TRIM69: variants seen among roughly 807,000 people sequenced by gnomAD.
The protein encoded by TRIM69 is E3 ubiquitin-protein ligase TRIM69.
TRIM69 carries 29 observed loss-of-function variants against 37.7 expected under a neutral mutation model. The observed-to-expected ratio is 0.77, with a 90% CI of 0.57 to 1.05. The LOEUF (loss-of-function observed/expected upper bound fraction) is 1.05, where lower values mean the gene tolerates loss of function less well. TRIM69 is among the 50% of genes least tolerant of loss of function. The pLI is 0.00. For missense variants in TRIM69, 596 were observed against 579.9 expected, an observed-to-expected ratio of 1.03 and a Z score of -0.28; for synonymous variants, 209 against 212.4, an observed-to-expected ratio of 0.98 and a Z score of 0.14.
chr15:44,743,618 G>A (rs1174324569), intron 1 of TRIM69, among the ~76,000 whole-genome samples: 1 of 151,872 alleles, frequency 6.6e-6, no homozygotes, highest in Non-Finnish European at 1.5e-5. Flanking sequence ...AAATTTACAA[G>A]AAAAAAACAA....
intron 6 of TRIM69, among the ~76,000 whole-genome samples, chr15:44,762,996 A>T (rs1170694803): frequency 6.6e-6 from 1 of 152,136 alleles, no homozygotes; most frequent in African/African-American, 2.4e-5. Flanking sequence ...TATATGCCCC[A>T]TCCTCACTTT....
At chr15:44,740,631 C>T (rs1029794895) in intron 1 of TRIM69, among the ~76,000 whole-genome samples, 12 of 151,606 alleles carry the variant, frequency 7.9e-5, no homozygotes, top group Non-Finnish European at 1.8e-4. Context: ...ATCTACCAAG[C>T]CAATGGAAAA....
chr15:44,740,398 T>C (rs1566887265), intron 1 of TRIM69, among the ~76,000 whole-genome samples: 1 of 152,212 alleles, frequency 6.6e-6, no homozygotes, highest in Non-Finnish European at 1.5e-5. Flanking sequence ...TTTGACAAGT[T>C]GAGAGAAGAA....
chr15:44,749,379 C>A (rs75132924), intron 1 of TRIM69, among the ~76,000 whole-genome samples: 10,720 of 152,256 alleles, frequency 0.07, 482 homozygotes, highest in African/African-American at 0.12. Flanking sequence ...GTGATATGAG[C>A]AGTCACTCCC....
chr15:44,767,732 G>A lies in TRIM69; in HGVS notation c.1463G>A (p.Gly488Glu). Residue 488 changes from glycine to glutamate, a missense_variant, in exon 7 of 7, where the codon GGA becomes GAA. Transcript: ENST00000329464. Reference sequence around the variant, plus strand: ...TTCTGCCCCTGCCTTAATGATGGTGGAGAGAATAAAGAACCATTGCACATC... The same window carrying A: ...TTCTGCCCCTGCCTTAATGATGGTGAAGAGAATAAAGAACCATTGCACATC... Reference protein sequence around the residue: ...PYFCPCLNDGGENKEPLHILH... With the variant: ...PYFCPCLNDGEENKEPLHILH... 1 of 1,613,612 alleles carries A rather than the reference G, an allele frequency of 6.2e-7. No individual in the cohort carries two copies. Among genetic ancestry groups the A allele is most frequent in the South Asian group, 1.1e-5 (1 of 91,072 alleles).
chr15:44,750,750 A>C (rs186369426), intron 1 of TRIM69, among the ~76,000 whole-genome samples: 2 of 92,452 alleles, frequency 2.2e-5, no homozygotes, highest in Non-Finnish European at 3.8e-5. Flanking sequence ...TTTGAGACGG[A>C]GTCTCACTCT....
Position 44,755,239 on chromosome 15 carries a change from C to G in TRIM69, c.346C>G (p.Pro116Ala), listed in dbSNP as rs1233690658. The change falls in exon 2 of 7, where the codon CCA becomes GCA. Residue 116 changes from proline to alanine, a missense_variant. By Grantham distance (27) the Pro-to-Ala change is conservative. Transcript: ENST00000329464. ...LPLLKGHPQC[P>A]EHGENLKLFS... is the part of the protein sequence containing the mutation. ...CTTACTCAAGGGCCATCCACAGTGCCCAGAGCATGGAGAGAACCTGAAACT... is the reference window on the plus strand; with the variant it reads ...CTTACTCAAGGGCCATCCACAGTGCGCAGAGCATGGAGAGAACCTGAAACT... 1 of 1,614,134 alleles carries G rather than the reference C, an allele frequency of 6.2e-7. No homozygotes were observed. Among genetic ancestry groups the G allele is most frequent in the East Asian group, 2.2e-5 (1 of 44,888 alleles).
chr15:44,763,822 G>T, intron 6 of TRIM69, among the ~76,000 whole-genome samples: 1 of 152,118 alleles, frequency 6.6e-6, no homozygotes, highest in East Asian at 1.9e-4. Flanking sequence ...TAGTTAGAGT[G>T]GCTCAAGAGC....
At chr15:44,752,817 A>G (rs1341409872) in intron 1 of TRIM69, 1 of 152,078 alleles carries the variant, frequency 6.6e-6, no homozygotes, top group Non-Finnish European at 1.5e-5. Context: ...GGGGGTTATA[A>G]TTAGTCAACT....
At chr15:44,738,996 T>C (rs2087221152) in intron 1 of TRIM69, among the ~76,000 whole-genome samples, 1 of 152,226 alleles carries the variant, frequency 6.6e-6, no homozygotes, top group Admixed American at 6.5e-5. Context: ...CAGTCAATCA[T>C]ATAATATCAA....
Position 44,767,150 on chromosome 15 carries a change from A to T in TRIM69, c.962-81A>T, listed in dbSNP as rs1204112828. 6.0e-6 allele frequency: 7 copies of T among 1,159,874 alleles called. No homozygotes were observed. In the Admixed American group the frequency reaches 1.6e-4, roughly 26 times the overall value. The allele number at this position is 1,159,874 out of a possible 1,614,324, so 71.8% of individuals were successfully genotyped here. ...ATGGGGAGATAAAGTACTATTGAAT[A>T]TGAAATACTATCTTTTACTGTGGGA... On this transcript the variant is annotated intron_variant, in intron 6 of 6. Coordinates refer to ENST00000329464, the MANE Select transcript of TRIM69 (RefSeq NM_182985.5).
At chr15:44,752,184 T>C (rs1369815473) in intron 1 of TRIM69, among the ~76,000 whole-genome samples, 1 of 152,196 alleles carries the variant, frequency 6.6e-6, no homozygotes, top group East Asian at 1.9e-4. Context: ...TCTTCTGTTA[T>C]TGATTTCTAG....
chr15:44,752,386 T>C (rs1008498923), intron 1 of TRIM69, among the ~76,000 whole-genome samples: 5 of 152,224 alleles, frequency 3.3e-5, no homozygotes, highest in African/African-American at 9.6e-5. Flanking sequence ...TGTATTCTTG[T>C]AACAAGTTTA....
intron 1 of TRIM69, among the ~76,000 whole-genome samples, chr15:44,737,800 A>C (rs1235192879): frequency 6.6e-6 from 1 of 152,168 alleles, no homozygotes; most frequent in Non-Finnish European, 1.5e-5. Context: ...TTCTTCATAA[A>C]AACTGCCCAT....
At chr15:44,745,832 G>T (rs1379228452) in intron 1 of TRIM69, among the ~76,000 whole-genome samples, 7 of 152,020 alleles carry the variant, frequency 4.6e-5, no homozygotes, top group Non-Finnish European at 1.0e-4. Flanking sequence ...ACTGAAAATA[G>T]GTCAATTGAG....
intron 1 of TRIM69, among the ~76,000 whole-genome samples, chr15:44,752,536 G>A (rs1164714476): frequency 6.6e-6 from 1 of 152,112 alleles, no homozygotes; most frequent in Non-Finnish European, 1.5e-5. Flanking sequence ...TGAGTCTCCT[G>A]TAGACAGCCT....
At chr15:44,764,423 C>G (rs903879924) in intron 6 of TRIM69, among the ~76,000 whole-genome samples, 2 of 151,984 alleles carry the variant, frequency 1.3e-5, no homozygotes, top group Non-Finnish European at 2.9e-5. Context: ...ATTTCTAAGT[C>G]TTTGCTTATT....
At chr15:44,749,582 G>A (rs973059734) in intron 1 of TRIM69, among the ~76,000 whole-genome samples, 15 of 152,146 alleles carry the variant, frequency 9.9e-5, no homozygotes, top group African/African-American at 3.4e-4. Context: ...TTTTCTGACT[G>A]AATAATCTTC....
chr15:44,741,366 A>G (rs1483612062), intron 1 of TRIM69, among the ~76,000 whole-genome samples: 2 of 152,060 alleles, frequency 1.3e-5, no homozygotes, highest in African/African-American at 4.8e-5. Context: ...AGAAAGCAGG[A>G]AAGATCCGAA....
Sources: gnomAD v4.1 joint callset for allele counts (sites outside exome capture counted in the v4.1 genomes callset) on GRCh38, gnomAD v4.1.1 for gene constraint, MANE v1.5 for transcripts, NCBI Gene and HGNC (gene_info 2026-07-23, HGNC 2026-07-21) for gene names.